UTRN: variants seen among roughly 807,000 people sequenced by gnomAD.
UTRN encodes utrophin.
In UTRN, 283 loss-of-function variants were observed where a neutral mutation model predicts 463.9. The observed-to-expected ratio is 0.61, with a 90% CI of 0.55 to 0.67. The LOEUF (loss-of-function observed/expected upper bound fraction) is 0.67. Ranked by LOEUF, UTRN falls within the 30% of genes least tolerant of loss-of-function variation. UTRN has a pLI of 0.00. For missense variants in UTRN, 3,922 were observed against 4,084.3 expected (o/e 0.96, Z 1.08); for synonymous variants, 1,442 against 1,431.5 (o/e 1.01, Z -0.17).
chr6:144,718,229 G>A (rs1786721359), intron 53 of UTRN, among the ~76,000 whole-genome samples: 1 of 152,168 alleles, frequency 6.6e-6, no homozygotes, highest in Non-Finnish European at 1.5e-5. Context: ...CAGTACTTTG[G>A]GAGGAAAAGT....
chr6:144,362,991 T>A (rs991319641), intron 2 of UTRN, among the ~76,000 whole-genome samples: 10 of 152,206 alleles, frequency 6.6e-5, no homozygotes, highest in African/African-American at 1.9e-4. Flanking sequence ...TGCTATTTTT[T>A]AAAAAAATAT....
At chr6:144,651,112 C>T (rs1394907619) in intron 51 of UTRN, among the ~76,000 whole-genome samples, 1 of 151,772 alleles carries the variant, frequency 6.6e-6, no homozygotes, top group Non-Finnish European at 1.5e-5. Flanking sequence ...AAAGTAATCA[C>T]GGTTTTTGCT....
intron 3 of UTRN, among the ~76,000 whole-genome samples, chr6:144,419,984 A>ACG (rs1321180206): frequency 6.6e-6 from 1 of 151,720 alleles, no homozygotes; most frequent in African/African-American, 2.4e-5. Flanking sequence ...ACACACACAC[A>ACG]CACACACACA....
chr6:144,694,012 T>A (rs990326836), intron 52 of UTRN, among the ~76,000 whole-genome samples: 5 of 152,110 alleles, frequency 3.3e-5, no homozygotes, highest in Non-Finnish European at 7.4e-5. Context: ...ATTCAGTATG[T>A]TGTTGGCTGT....
At chr6:144,484,992 G>A (rs1046148539) in intron 27 of UTRN, among the ~76,000 whole-genome samples, 6 of 151,878 alleles carry the variant, frequency 4.0e-5, no homozygotes, top group Admixed American at 2.0e-4. Context: ...TCAGCTCACC[G>A]CAACCTCCGC....
At chr6:144,392,335 T>C (rs1162525185) in intron 2 of UTRN, among the ~76,000 whole-genome samples, 2 of 152,210 alleles carry the variant, frequency 1.3e-5, no homozygotes, top group Non-Finnish European at 2.9e-5. Context: ...ACTAAAATCC[T>C]CCAGCCAATG....
At chr6:144,684,038 G>A (rs997983862) in intron 52 of UTRN, among the ~76,000 whole-genome samples, 1 of 150,606 alleles carries the variant, frequency 6.6e-6, no homozygotes, top group Non-Finnish European at 1.5e-5. Context: ...ATTAATTCAA[G>A]TGTCCCTTTA....
At chr6:144,607,252 C>A (rs1264490893) in intron 51 of UTRN, among the ~76,000 whole-genome samples, 1 of 152,134 alleles carries the variant, frequency 6.6e-6, no homozygotes, top group African/African-American at 2.4e-5. Context: ...CTCTGTTGAA[C>A]CCTATTCTGG....
intron 27 of UTRN, among the ~76,000 whole-genome samples, chr6:144,484,940 A>C (rs1792278228): frequency 6.6e-6 from 1 of 151,506 alleles, no homozygotes; most frequent in Non-Finnish European, 1.5e-5. Context: ...TTTGAGATGG[A>C]GTCTTGCTCT....
chr6:144,631,083 C>G (rs1776458910), intron 51 of UTRN, among the ~76,000 whole-genome samples: 1 of 152,124 alleles, frequency 6.6e-6, no homozygotes, highest in African/African-American at 2.4e-5. Flanking sequence ...GTGGAAAGAT[C>G]CTTCTCTGTC....
At chr6:144,740,022 CT>C (rs1339463548) in intron 54 of UTRN, among the ~76,000 whole-genome samples, 4 of 152,138 alleles carry the variant, frequency 2.6e-5, no homozygotes, top group African/African-American at 9.7e-5. Flanking sequence ...ACTTACCTAC[CT>C]TGTTTAATTG....
Position 144,376,488 on chromosome 6 carries a change from G to A in UTRN, c.80-26635G>A, listed in dbSNP as rs1005079566. Among the ~76,000 whole-genome samples, 13 of 151,810 alleles carry A rather than the reference G, an allele frequency of 8.6e-5. No individual in the cohort carries two copies. In the South Asian group the frequency reaches 2.7e-3, roughly 32 times the overall value. Reference sequence around the variant, plus strand: ...AAAAAAGTTTTTTGTAGAGACAGAGGCCTCACTATGTTGCCCAGGCTGATC... The same window carrying A: ...AAAAAAGTTTTTTGTAGAGACAGAGACCTCACTATGTTGCCCAGGCTGATC... On this transcript the variant is annotated intron_variant, in intron 2 of 74. Transcript: ENST00000367545.
At chr6:144,833,624 T>A (rs1240838106) in intron 69 of UTRN, among the ~76,000 whole-genome samples, 1 of 152,242 alleles carries the variant, frequency 6.6e-6, no homozygotes, top group Non-Finnish European at 1.5e-5. Context: ...CTATCTACTA[T>A]ATCTTTACGC....
At chr6:144,533,573 G>A (rs1358880565) in intron 43 of UTRN, among the ~76,000 whole-genome samples, 1 of 152,036 alleles carries the variant, frequency 6.6e-6, no homozygotes, top group Non-Finnish European at 1.5e-5. Context: ...CAGGTTTCAG[G>A]TTTGAAGGTC....
At position 144,835,750 on chromosome 6, in the gene UTRN, C is replaced by T. The variant is rs111832996; in HGVS notation, c.9666-30C>T. Reference sequence around the variant, plus strand: ...AAAAACATCACCATCCAGATGTGAGCCTCTGGGTCTGTTTCCTTTGTCTTG... The same window carrying T: ...AAAAACATCACCATCCAGATGTGAGTCTCTGGGTCTGTTTCCTTTGTCTTG... On this transcript the variant is annotated intron_variant, in intron 69 of 74. Transcript: ENST00000367545. 6,122 of 1,612,570 alleles carry T rather than the reference C, an allele frequency of 3.8e-3. 199 individuals carry two copies. In the African/African-American group the frequency reaches 0.073, roughly 19 times the overall value.
At chr6:144,704,999 T>C (rs1784949003) in intron 53 of UTRN, among the ~76,000 whole-genome samples, 1 of 152,086 alleles carries the variant, frequency 6.6e-6, no homozygotes, top group Non-Finnish European at 1.5e-5. Flanking sequence ...GAATTCTTCA[T>C]ATTTTCTTTA....
intron 53 of UTRN, among the ~76,000 whole-genome samples, chr6:144,723,427 C>T (rs758534992): frequency 2.0e-5 from 3 of 152,124 alleles, no homozygotes; most frequent in African/African-American, 7.2e-5. Flanking sequence ...ATTTATTATG[C>T]TCAAGCATTT....
At chr6:144,843,117 T>C (rs4143179) in intron 73 of UTRN, among the ~76,000 whole-genome samples, 27,799 of 152,156 alleles carry the variant, frequency 0.18, 3,041 homozygotes, top group Admixed American at 0.38. Context: ...GAAATTACTT[T>C]TTAGTTCAGC....
At chr6:144,458,134 G>T (rs1008878094) in intron 19 of UTRN, among the ~76,000 whole-genome samples, 1 of 152,124 alleles carries the variant, frequency 6.6e-6, no homozygotes, top group African/African-American at 2.4e-5. Context: ...TCCCTGATGT[G>T]TTTCTAAAGT....
Sources: allele counts gnomAD v4.1 joint callset (sites outside exome capture counted in the v4.1 genomes callset), GRCh38; gene constraint gnomAD v4.1.1; transcripts MANE v1.5; gene names NCBI Gene and HGNC (gene_info 2026-07-23, HGNC 2026-07-21).